Variants in MST1R observed in about 807,000 individuals in gnomAD.
The protein encoded by MST1R is macrophage-stimulating protein receptor.
MST1R carries 99 observed loss-of-function variants against 117.8 expected under a neutral mutation model. That is an observed-to-expected ratio of 0.84 (90% CI 0.71 to 0.99). The LOEUF is 0.99. Ranked by LOEUF, MST1R falls within the 50% of genes least tolerant of loss-of-function variation. The probability of loss-of-function intolerance (pLI) is 0.00; values close to 1 mark genes in which losing one functional copy is unlikely to be tolerated. For synonymous variants in MST1R, 734 were observed against 765.3 expected (o/e 0.96, Z 0.68); for missense variants, 1,683 against 1,840.2 (o/e 0.91, Z 1.56).
intron 7 of MST1R, 113 bp from the exon 8 acceptor site, chr3:49,897,003 C>T: frequency 1.5e-6 from 2 of 1,295,560 alleles, no homozygotes; most frequent in South Asian, 1.6e-5. Context: ...CCCACCTGCC[C>T]CACTCCATGG....
At chr3:49,893,006 C>G (rs1008492729) in intron 14 of MST1R, among the ~76,000 whole-genome samples, 1 of 151,270 alleles carries the variant, frequency 6.6e-6, no homozygotes, top group South Asian at 2.1e-4. Flanking sequence ...GGGTCGGGTG[C>G]GATGGCTCAC....
chr3:49,898,184 C>T lies in MST1R; in HGVS notation c.1747G>A (p.Gly583Ser), dbSNP rs756784862. ...CCACACAGGGTCAGCCTTGTACTGC[C>T]CCTTAGAGGTCCACTGTGGGGGTGG... ...EFHPHSGPLR[G>S]STRLTLCGSN... The change falls in exon 5 of 20, where the codon GGC (glycine) becomes AGC (serine). Residue 583 changes from glycine to serine, a missense_variant. Physicochemically the swap from Gly to Ser is moderately conservative, Grantham distance 56. Coordinates refer to ENST00000296474, the MANE Select transcript of MST1R (RefSeq NM_002447.4). 1.9e-6 allele frequency: 3 copies of T among 1,613,874 alleles called. No homozygotes were observed. The highest frequency in any genetic ancestry group is 1.1e-5 in the South Asian group (1 of 91,080).
intron 1 of MST1R, among the ~76,000 whole-genome samples, chr3:49,900,242 C>T (rs868378545): frequency 3.3e-5 from 5 of 152,170 alleles, no homozygotes; most frequent in Admixed American, 2.0e-4. Flanking sequence ...GAACTAAGTT[C>T]TGGAAGCTAG....
In MST1R at chr3:49,895,521, G is replaced by T; in HGVS notation, c.2990C>A (p.Ala997Glu). 6.2e-7 allele frequency: 1 copy of T among 1,614,166 alleles called. No homozygotes were observed. ...LVLPPNLNDL[A>E]SLDQTAGATP... is the part of the protein sequence containing the mutation. ...GGCTCCAGCAGTCTGGTCCAGGGAT[G>T]CCAGGTCATTCAGGTTGGGAGGAAG... The change falls in exon 13 of 20, where the codon GCA (alanine) becomes GAA (glutamate). Residue 997 changes from alanine to glutamate, a missense_variant. Ala to Glu is a moderately radical substitution (Grantham distance 107, BLOSUM62 -1). Coordinates refer to ENST00000296474, the MANE Select transcript of MST1R (RefSeq NM_002447.4).
chr3:49,897,891 A>G, intron 5 of MST1R, 160 bp downstream of exon 5: 2 of 1,183,102 alleles, frequency 1.7e-6, no homozygotes, highest in African/African-American at 3.1e-5. Flanking sequence ...TGAAAGCTCA[A>G]AAAGGGACAG....
chr3:49,895,767 A>G lies in MST1R; in HGVS notation c.2910T>C (p.Ala970=). 6.2e-7 allele frequency: 1 copy of G among 1,613,700 alleles called. No homozygotes were observed. Among genetic ancestry groups the G allele is most frequent in the Non-Finnish European group, 8.5e-7 (1 of 1,180,014 alleles). The change falls in exon 12 of 20, where the codon GCT becomes GCC. Residue 970 remains alanine (A), a synonymous_variant. Coordinates refer to ENST00000296474, the MANE Select transcript of MST1R (RefSeq NM_002447.4). The part of the protein sequence containing the change: ...GILLPLLLLV[A]ALATALVFSY... ...TGAAGACCAGTGCAGTCGCCAGTGC[A>G]GCCACAAGCAGCAGCAAAGGCAGCA...
intron 14 of MST1R, among the ~76,000 whole-genome samples, chr3:49,893,322 G>A (rs532627702): frequency 6.7e-6 from 1 of 149,126 alleles, no homozygotes; most frequent in East Asian, 2.0e-4. Context: ...TAAATAAATA[G>A]GCTGGATACA....
Position 49,895,509 on chromosome 3 carries a change from T to C in MST1R, c.3002A>G (p.Gln1001Arg), listed in dbSNP as rs1388460319. The stretch of plus-strand genomic sequence containing the variant: ...AGGCAGGGGTGTGGCTCCAGCAGTC[T>C]GGTCCAGGGATGCCAGGTCATTCAG... ...PNLNDLASLD[Q>R]TAGATPLPIL... Residue 1001 changes from glutamine (Q) to arginine (R), a missense_variant, in exon 13 of 20, where the codon CAG (glutamine) becomes CGG (arginine). Gln to Arg is a conservative substitution (Grantham distance 43). Transcript: ENST00000296474. The C allele has an allele frequency of 5.6e-6, 9 of 1,614,168 alleles. No homozygotes were observed. Among genetic ancestry groups the C allele is most frequent in the Non-Finnish European group, 7.6e-6 (9 of 1,180,028 alleles).
chr3:49,896,029 G>C lies in MST1R; in HGVS notation c.2728C>G (p.Arg910Gly), dbSNP rs368644133. Residue 910 changes from arginine (R) to glycine (G), a missense_variant, in exon 11 of 20, where the codon CGG (arginine) becomes GGG (glycine). By Grantham distance (125) the Arg-to-Gly change is moderately radical. Coordinates refer to ENST00000296474, the MANE Select transcript of MST1R (RefSeq NM_002447.4). ...AGGGGGCAGACAACCATGTCCCCCC[G>C]GAACTCGTGCTGGCAGCTCTCACCA... ...VGGESCQHEF[R>G]GDMVVCPLPP... The C allele has an allele frequency of 5.0e-6, 8 of 1,606,136 alleles. No homozygotes were observed. Among genetic ancestry groups the C allele is most frequent in the Non-Finnish European group, 6.8e-6 (8 of 1,176,186 alleles).
At chr3:49,898,414 G>C in intron 4 of MST1R, 104 bp downstream of exon 4, 1 of 1,460,598 alleles carries the variant, frequency 6.8e-7, no homozygotes, top group South Asian at 1.3e-5. Flanking sequence ...TAGATATGAA[G>C]GACACCCCCC....
chr3:49,902,333 G>T, intron 1 of MST1R, 47 bp downstream of exon 1: 1 of 1,583,432 alleles, frequency 6.3e-7, no homozygotes. Context: ...CCTGTGTTCA[G>T]CCATGTGCAT....
intron 19 of MST1R, 82 bp from the exon 20 acceptor site, chr3:49,887,644 A>T: frequency 2.7e-6 from 4 of 1,490,072 alleles, no homozygotes; most frequent in Non-Finnish European, 2.8e-6. Flanking sequence ...AACCTCTGGC[A>T]GGCCACACAG....
Position 49,891,573 on chromosome 3 carries a change from T to C in MST1R, c.3360A>G (p.Thr1120=). ...GGAAGGCCTCCACCTGCTGCATCTC[T>C]GTGATGCCTGCAGAGCAGCGCAAGT... The part of the protein sequence containing the change: ...QCAIKSLSRI[T]EMQQVEAFLR... The change falls in exon 16 of 20, where the codon ACA becomes ACG. Residue 1120 remains threonine, a synonymous_variant. Coordinates refer to ENST00000296474, the MANE Select transcript of MST1R (RefSeq NM_002447.4). 1 of 1,613,814 alleles carries C rather than the reference T, an allele frequency of 6.2e-7. No individual in the cohort carries two copies. Among genetic ancestry groups the C allele is most frequent in the Non-Finnish European group, 8.5e-7 (1 of 1,179,992 alleles).
chr3:49,896,855 G>A lies in MST1R; in HGVS notation c.2219C>T (p.Pro740Leu). 6.5e-7 allele frequency: 1 copy of A among 1,547,704 alleles called. No individual in the cohort carries two copies. Reference protein sequence around the residue: ...SEGQLLCATPPGATVASVPLS... With the variant: ...SEGQLLCATPLGATVASVPLS... ...GGGGACACTGGCCACCGTGGCCCCA[G>A]GGGGTGTGGCACATAAAAGCTGCCC... The change falls in exon 8 of 20, where the codon CCT becomes CTT. Residue 740 changes from proline to leucine, a missense_variant. Transcript: ENST00000296474.
In MST1R at chr3:49,895,315, G is replaced by T. The variant is rs765385133; in HGVS notation, c.3123C>A (p.Ser1041=). The change falls in exon 14 of 20, where the codon TCC becomes TCA. Residue 1041 remains serine, a synonymous_variant. Transcript: ENST00000296474. ...GCACACAGGATTCATCTTCACTATC[G>T]GAGAAGGATGCTCCATGGACACAAG... is the stretch of plus-strand genomic sequence containing the variant. ...STTCVHGASF[S]DSEDESCVPL... is the part of the protein sequence containing the mutation. 18 of 1,614,082 alleles carry T rather than the reference G, an allele frequency of 1.1e-5. 1 individual carries two copies. In the South Asian group the frequency reaches 1.3e-4, roughly 12 times the overall value.
intron 17 of MST1R, 95 bp from the exon 18 acceptor site, chr3:49,890,745 A>C: frequency 9.2e-7 from 1 of 1,085,488 alleles, no homozygotes; most frequent in Non-Finnish European, 1.3e-6. Context: ...TTTTTTTTTG[A>C]GACGGAGTCT....
rs2108478551 is a variant in MST1R at position 49,899,272 on chromosome 3, G to A, written c.1231-9C>T. 2 of 1,613,688 alleles carry A rather than the reference G, an allele frequency of 1.2e-6. No homozygotes were observed. The highest frequency in any genetic ancestry group is 1.3e-5 in the African/African-American group (1 of 75,056). On this transcript the variant is annotated splice_polypyrimidine_tract_variant and intron_variant, in intron 1 of 19. Transcript: ENST00000296474. ...AGGGCTTCCAGGCCAGGCTGGGAAA[G>A]GTCAGGGAAGGGAAGGAGTCAGGGT...
chr3:49,891,456 C>A lies in MST1R; in HGVS notation c.3477G>T (p.Val1159=). ...CACCGTGGCACATATAGGGCAGCAG[C>A]ACATGGGGCAGGCCCTCAGGTGGCA... The part of the protein sequence containing the change: ...IMLPPEGLPH[V]LLPYMCHGDL... The change falls in exon 16 of 20, where the codon GTG becomes GTT. Residue 1159 remains valine, a synonymous_variant. Coordinates refer to ENST00000296474, the MANE Select transcript of MST1R (RefSeq NM_002447.4). 6.2e-7 allele frequency: 1 copy of A among 1,613,994 alleles called. No individual in the cohort carries two copies. The highest frequency in any genetic ancestry group is 8.5e-7 in the Non-Finnish European group (1 of 1,180,040).
chr3:49,889,958 G>C lies in MST1R; in HGVS notation c.3913C>G (p.Arg1305Gly). Residue 1305 changes from arginine to glycine, a missense_variant, in exon 19 of 20, where the codon CGC becomes GGC. Transcript: ENST00000296474. ...DLTHFLAQGR[R>G]LPQPEYCPDS... The stretch of plus-strand genomic sequence containing the variant: ...GGGCAATACTCAGGCTGGGGCAGGC[G>C]CCGACCCTGGGCCAGGAAGTGGGTA... 2 of 1,614,010 alleles carry C rather than the reference G, an allele frequency of 1.2e-6. No homozygotes were observed. The highest frequency in any genetic ancestry group is 2.2e-5 in the South Asian group (2 of 91,066).
Sources: allele counts gnomAD v4.1 joint callset (sites outside exome capture counted in the v4.1 genomes callset), GRCh38; gene constraint gnomAD v4.1.1; transcripts MANE v1.5; gene names NCBI Gene and HGNC (gene_info 2026-07-23, HGNC 2026-07-21).